The following FNBP1L variants were observed in gnomAD, a reference collection of about 807,000 sequenced individuals.
The protein encoded by FNBP1L is formin binding protein 1 like.
A neutral mutation model predicts 91.2 loss-of-function variants in FNBP1L; 36 were observed. That is an observed-to-expected ratio of 0.39 (90% confidence interval 0.30 to 0.52). The LOEUF (loss-of-function observed/expected upper bound fraction) is 0.52, where lower values mean the gene tolerates loss of function less well. FNBP1L is among the 20% of genes least tolerant of loss of function. FNBP1L has a pLI of 0.66. For synonymous variants in FNBP1L, 242 were observed against 237.0 expected, an observed-to-expected ratio of 1.02 and a Z score of -0.19; for missense variants, 571 against 732.1, an observed-to-expected ratio of 0.78 and a Z score of 2.54.
At chr1:93,529,837 A>G (rs999607171) in intron 6 of FNBP1L, 81 bp downstream of exon 6, 6 of 811,958 alleles carry the variant, frequency 7.4e-6, no homozygotes, top group Non-Finnish European at 1.9e-6. Context: ...TTGTATGACT[A>G]CAGTATTAGG....
intron 9 of FNBP1L, among the ~76,000 whole-genome samples, chr1:93,535,449 T>C (rs1398293434): frequency 1.3e-5 from 2 of 152,110 alleles, no homozygotes; most frequent in Non-Finnish European, 2.9e-5. Flanking sequence ...TGCTCTTTAT[T>C]TTAGATAGAT....
intron 2 of FNBP1L, among the ~76,000 whole-genome samples, chr1:93,506,757 A>G (rs896971358): frequency 3.3e-5 from 5 of 152,266 alleles, no homozygotes; most frequent in African/African-American, 1.2e-4. Context: ...AAATGTTTTA[A>G]TAGAAGTGAA....
At chr1:93,448,704 C>T (rs930601194) in intron 1 of FNBP1L, among the ~76,000 whole-genome samples, 4 of 152,164 alleles carry the variant, frequency 2.6e-5, no homozygotes, top group African/African-American at 9.6e-5. Flanking sequence ...GGGGAGGGGG[C>T]CCATTGTCCC....
At chr1:93,551,352 C>G in intron 16 of FNBP1L, 1 of 1,153,638 alleles carries the variant, frequency 8.7e-7, no homozygotes, top group Non-Finnish European at 1.1e-6. Flanking sequence ...ATGCCTTTTG[C>G]TTTATGTCCC....
In FNBP1L at chr1:93,505,537, G is replaced by C. The variant is rs544074460; in HGVS notation, c.140+5954G>C. 2.0e-5 allele frequency among the ~76,000 whole-genome samples: 3 copies of C among 152,304 alleles called. No individual in the cohort carries two copies. In the East Asian group the frequency reaches 5.8e-4, roughly 29 times the overall value. On this transcript the variant is annotated intron_variant, in intron 2 of 16. Coordinates refer to ENST00000271234, the MANE Select transcript of FNBP1L (RefSeq NM_001164473.3). ...AAAAACACTTTTAAATAAGGAAGAG[G>C]AACAGGCTATGACCTAATGCTTGCT...
Position 93,544,327 on chromosome 1 carries a change from A to G in FNBP1L, c.1274+111A>G, listed in dbSNP as rs1454752356. The G allele has an allele frequency of 1.5e-5, 9 of 584,718 alleles. No individual in the cohort carries two copies. In the Admixed American group the frequency reaches 2.0e-4, roughly 13 times the overall value. The allele number at this position is 584,718 out of a possible 1,614,324, so 36.2% of individuals were successfully genotyped here. ...AAAAATCATATATCCTAATTGAAAT[A>G]TCTTTTGAGAGAGAATTATACTCCT... On this transcript the variant is annotated intron_variant, in intron 12 of 16. Transcript: ENST00000271234.
rs146052491 is a variant in FNBP1L at position 93,523,443 on chromosome 1, T to C, written c.294T>C (p.Tyr98=). Reference sequence around the variant, plus strand: ...CAGAAGAAATGGCGCACAGAGTGTATGGTGAATTAATGAGATATGCTCATG... The same window carrying C: ...CAGAAGAAATGGCGCACAGAGTGTACGGTGAATTAATGAGATATGCTCATG... The part of the protein sequence containing the change: ...VVAEEMAHRV[Y]GELMRYAHDL... Residue 98 remains tyrosine, a synonymous_variant, in exon 4 of 17, where the codon TAT becomes TAC. Coordinates refer to ENST00000271234, the MANE Select transcript of FNBP1L (RefSeq NM_001164473.3). The C allele has an allele frequency of 2.4e-4, 390 of 1,610,506 alleles. No homozygotes were observed. In the African/African-American group the frequency reaches 4.7e-3, roughly 19 times the overall value.
intron 1 of FNBP1L, among the ~76,000 whole-genome samples, chr1:93,487,016 A>G (rs1254115982): frequency 1.3e-5 from 2 of 152,148 alleles, no homozygotes; most frequent in Non-Finnish European, 2.9e-5. Context: ...TACTGTCTTC[A>G]ACTTCTATCT....
At chr1:93,532,884 T>A (rs141240755) in intron 7 of FNBP1L, 38 bp from the exon 8 acceptor site, 1 of 1,519,262 alleles carries the variant, frequency 6.6e-7, no homozygotes, top group Non-Finnish European at 8.9e-7. Context: ...GATTGAAAAA[T>A]TCAGTTTTCT....
intron 2 of FNBP1L, among the ~76,000 whole-genome samples, chr1:93,521,145 A>G (rs1306061686): frequency 6.6e-6 from 1 of 152,216 alleles, no homozygotes; most frequent in African/African-American, 2.4e-5. Context: ...TCCATATGCT[A>G]GTCTCTTTCT....
At chr1:93,542,002 CA>C (rs558664532) in intron 11 of FNBP1L, among the ~76,000 whole-genome samples, 3 of 149,648 alleles carry the variant, frequency 2.0e-5, no homozygotes, top group African/African-American at 4.9e-5. Context: ...ATTTTGACAA[CA>C]AAAAAAAACT....
intron 12 of FNBP1L, 134 bp downstream of exon 12, chr1:93,544,350 C>T (rs767214802): frequency 3.6e-5 from 18 of 494,308 alleles, no homozygotes; most frequent in Admixed American, 1.3e-4. Context: ...GAATTATACT[C>T]CTACCCTGGA....
chr1:93,468,362 CT>C (rs1297529175), intron 1 of FNBP1L, among the ~76,000 whole-genome samples: 4 of 151,840 alleles, frequency 2.6e-5, no homozygotes, highest in African/African-American at 9.7e-5. Context: ...TGTTGATTGA[CT>C]TTTAGGTGTT....
At chr1:93,482,881 G>A (rs1370402199) in intron 1 of FNBP1L, among the ~76,000 whole-genome samples, 1 of 151,922 alleles carries the variant, frequency 6.6e-6, no homozygotes, top group African/African-American at 2.4e-5. Context: ...AGCCAGGCGT[G>A]GTCGCGGGCG....
At position 93,524,244 on chromosome 1, in the gene FNBP1L, G is replaced by T. The variant is rs549102008; in HGVS notation, c.343-17G>T. On this transcript the variant is annotated splice_polypyrimidine_tract_variant and intron_variant, in intron 4 of 16. Transcript: ENST00000271234. ...TTTTTTATTTTTATTTTTTTTGGCC[G>T]TGGTTATAATCTTCAGCATCTGCAA... 2 of 1,431,996 alleles carry T rather than the reference G, an allele frequency of 1.4e-6. No individual in the cohort carries two copies. The highest frequency in any genetic ancestry group is 1.6e-5 in the South Asian group (1 of 61,262). 88.7% of individuals were successfully genotyped at this position (1,431,996 alleles called of 1,614,324 possible).
At chr1:93,539,733 A>G (rs1226842031) in intron 10 of FNBP1L, among the ~76,000 whole-genome samples, 5 of 152,044 alleles carry the variant, frequency 3.3e-5, no homozygotes, top group South Asian at 2.1e-4. Context: ...AAACCTTTCT[A>G]TTTCCTTACC....
At chr1:93,530,948 AG>A in intron 7 of FNBP1L, 65 bp downstream of exon 7, 1 of 1,281,636 alleles carries the variant, frequency 7.8e-7, no homozygotes, top group Non-Finnish European at 1.1e-6. Context: ...AAAACTTGTA[AG>A]TCTTAGACAT....
At chr1:93,449,250 GAGGTGTGGAGGGCAGTGATTTCTC>G (rs1347800959) in intron 1 of FNBP1L, among the ~76,000 whole-genome samples, 3 of 151,934 alleles carry the variant, frequency 2.0e-5, no homozygotes, top group African/African-American at 4.8e-5. Context: ...CGGAAGGGTC[GAGGTGTGGAGGGCAGTGATTTCTC>G]AGGTGCGGAG....
intron 4 of FNBP1L, 64 bp downstream of exon 4, chr1:93,523,555 T>C: frequency 1.4e-6 from 2 of 1,446,804 alleles, no homozygotes; most frequent in South Asian, 2.8e-5. Flanking sequence ...AAACACTTTG[T>C]TTTCTTTAAA....
Sources: allele counts gnomAD v4.1 joint callset (sites outside exome capture counted in the v4.1 genomes callset), GRCh38; gene constraint gnomAD v4.1.1; transcripts MANE v1.5; gene names NCBI Gene and HGNC (gene_info 2026-07-23, HGNC 2026-07-21).